Variants in R3HDM1 observed in about 807,000 individuals in gnomAD.
R3HDM1 encodes R3H domain containing 1.
Under a neutral mutation model 141.1 loss-of-function variants are expected in R3HDM1, and 46 were observed. That is an observed-to-expected ratio of 0.33 (90% CI 0.26 to 0.42). The LOEUF (loss-of-function observed/expected upper bound fraction) is 0.42. Ranked by LOEUF, R3HDM1 falls within the 10% of genes least tolerant of loss-of-function variation. The pLI, the probability that R3HDM1 is intolerant of heterozygous loss-of-function variation, is 1.00. For synonymous variants in R3HDM1, 435 were observed against 472.9 expected (o/e 0.92, Z 1.04); for missense variants, 1,184 against 1,368.3 (o/e 0.87, Z 2.12).
At chr2:135,670,570 A>T in intron 19 of R3HDM1, 1 of 268,218 alleles carries the variant, frequency 3.7e-6, no homozygotes, top group Non-Finnish European at 5.7e-6. Flanking sequence ...AAATAATGAA[A>T]ATGAATATAT....
chr2:135,619,795 T>G (rs1459976689), intron 5 of R3HDM1: 1 of 852,618 alleles, frequency 1.2e-6, no homozygotes, highest in African/African-American at 1.8e-5. Flanking sequence ...ATTCAAAAAG[T>G]TGAGAGGCAA....
At chr2:135,566,994 G>A (rs4954267) in intron 1 of R3HDM1, among the ~76,000 whole-genome samples, 44,517 of 149,702 alleles carry the variant, frequency 0.3, 10,656 homozygotes, top group African/African-American at 0.65. Context: ...AAAAAAAGTA[G>A]ACCCCAGCGA....
chr2:135,699,089 A>AGATAGATAGATAGATAGAT lies in R3HDM1; in HGVS notation c.2460-10329_2460-10328insAGATGATAGATAGATAGAT, dbSNP rs1205767219. The stretch of plus-strand genomic sequence containing the variant: ...GATTAGATAGATTAGATAGATAGAT[A>AGATAGATAGATAGATAGAT]GATAGATAGATAGATTAGATATTCC... On this transcript the variant is annotated intron_variant, in intron 21 of 26. Transcript: ENST00000683871. 2.6e-5 allele frequency among the ~76,000 whole-genome samples: 4 copies of AGATAGATAGATAGATAGAT among 151,522 alleles called. No homozygotes were observed. The South Asian group carries it at 8.4e-4, about 32-fold the overall frequency.
At chr2:135,594,848 T>A (rs1242676827) in intron 1 of R3HDM1, among the ~76,000 whole-genome samples, 1 of 152,182 alleles carries the variant, frequency 6.6e-6, no homozygotes, top group African/African-American at 2.4e-5. Flanking sequence ...CTACACACTT[T>A]TTCATTCTGA....
intron 19 of R3HDM1, chr2:135,667,557 A>C (rs147011387): frequency 1.3e-6 from 1 of 767,500 alleles, no homozygotes; most frequent in Non-Finnish European, 1.6e-6. Context: ...TTAAATTCAG[A>C]TGTATCACAG....
At chr2:135,669,244 G>A (rs893643380) in intron 19 of R3HDM1, 23 of 985,232 alleles carry the variant, frequency 2.3e-5, no homozygotes, top group Non-Finnish European at 2.7e-5. Context: ...TCCTCCCACA[G>A]AGAGGACATT....
intron 19 of R3HDM1, chr2:135,667,887 T>G (rs1350456953): frequency 2.2e-6 from 1 of 461,062 alleles, no homozygotes; most frequent in Non-Finnish European, 2.8e-6. Context: ...CAATGCCACT[T>G]CTCTAGGTGT....
At chr2:135,678,438 T>C (rs1224327342) in intron 20 of R3HDM1, among the ~76,000 whole-genome samples, 1 of 152,038 alleles carries the variant, frequency 6.6e-6, no homozygotes, top group Non-Finnish European at 1.5e-5. Context: ...TTTACCCATC[T>C]ATAAAATAGA....
At chr2:135,569,908 A>G (rs1703712018) in intron 1 of R3HDM1, among the ~76,000 whole-genome samples, 1 of 151,890 alleles carries the variant, frequency 6.6e-6, no homozygotes. Context: ...TTGTATTTTT[A>G]GTAGAGACTG....
chr2:135,617,380 G>C (rs943595511), intron 5 of R3HDM1, among the ~76,000 whole-genome samples: 2 of 151,858 alleles, frequency 1.3e-5, no homozygotes, highest in African/African-American at 4.8e-5. Context: ...TATAATTGTG[G>C]TGAAATTTGC....
rs769649645 is a variant in R3HDM1 at position 135,638,723 on chromosome 2, A to G, written c.942-16A>G. 2.5e-6 allele frequency: 4 copies of G among 1,613,956 alleles called. No homozygotes were observed. The highest frequency in any genetic ancestry group is 1.7e-5 in the Admixed American group (1 of 60,020). ...ATGCTAATAAAAATTAAAATGTCCT[A>G]TTAAAATGCCAACAGACTCCAAGAC... On this transcript the variant is annotated splice_polypyrimidine_tract_variant and intron_variant, in intron 12 of 26. Coordinates refer to ENST00000683871, the MANE Select transcript of R3HDM1 (RefSeq NM_001378107.1).
At chr2:135,629,044 C>G (rs907846639) in intron 7 of R3HDM1, among the ~76,000 whole-genome samples, 6 of 152,070 alleles carry the variant, frequency 3.9e-5, no homozygotes, top group African/African-American at 1.4e-4. Flanking sequence ...AGGCTGGGCA[C>G]AGTGGCTCAC....
chr2:135,576,899 G>T, intron 1 of R3HDM1: 1 of 200,700 alleles, frequency 5.0e-6, no homozygotes, highest in South Asian at 1.8e-4. Context: ...GTTTCTTGTT[G>T]GAATAATGAA....
intron 21 of R3HDM1, among the ~76,000 whole-genome samples, chr2:135,685,181 C>T (rs953574530): frequency 6.6e-6 from 1 of 152,058 alleles, no homozygotes; most frequent in Non-Finnish European, 1.5e-5. Flanking sequence ...AATATTATGT[C>T]ATCCTGGCAG....
chr2:135,671,848 C>A (rs781363962), intron 19 of R3HDM1, among the ~76,000 whole-genome samples: 1 of 152,076 alleles, frequency 6.6e-6, no homozygotes, highest in East Asian at 2.0e-4. Context: ...TGGTGGCACA[C>A]GCCTGTAATT....
intron 1 of R3HDM1, among the ~76,000 whole-genome samples, chr2:135,547,757 T>C (rs867736055): frequency 6.3e-4 from 94 of 148,926 alleles, no homozygotes; most frequent in African/African-American, 2.0e-3. Context: ...TCTGTAGTCT[T>C]TTTTCTTTTC....
chr2:135,645,669 C>T lies in R3HDM1; in HGVS notation c.1623+142C>T, dbSNP rs911424136. On this transcript the variant is annotated intron_variant, in intron 16 of 26. Coordinates refer to ENST00000683871, the MANE Select transcript of R3HDM1 (RefSeq NM_001378107.1). Reference sequence around the variant, plus strand: ...CACTAGTGATATTCCACTCACTACTCATAGGAAAAGAGATAACTTCAAAGG... The same window carrying T: ...CACTAGTGATATTCCACTCACTACTTATAGGAAAAGAGATAACTTCAAAGG... 8 of 1,004,036 alleles carry T rather than the reference C, an allele frequency of 8.0e-6. No individual in the cohort carries two copies. In the African/African-American group the frequency reaches 1.1e-4, roughly 14 times the overall value. The allele number at this position is 1,004,036 out of a possible 1,614,324, so 62.2% of individuals were successfully genotyped here.
At chr2:135,629,849 T>C (rs564194840) in intron 7 of R3HDM1, among the ~76,000 whole-genome samples, 1 of 152,214 alleles carries the variant, frequency 6.6e-6, no homozygotes, top group South Asian at 2.1e-4. Context: ...ACATATGTGT[T>C]CTTAAAAGAT....
At chr2:135,644,574 TATTA>T (rs1242659627) in intron 15 of R3HDM1, among the ~76,000 whole-genome samples, 1 of 152,210 alleles carries the variant, frequency 6.6e-6, no homozygotes, top group African/African-American at 2.4e-5. Context: ...AAACATGAGC[TATTA>T]ATTATTTTAG....
Sources: allele counts gnomAD v4.1 joint callset (sites outside exome capture counted in the v4.1 genomes callset), GRCh38; gene constraint gnomAD v4.1.1; transcripts MANE v1.5; gene names NCBI Gene and HGNC (gene_info 2026-07-23, HGNC 2026-07-21).